WDR20: variants seen among roughly 807,000 people sequenced by gnomAD.
WDR20 encodes the protein WD repeat domain 20.
In WDR20, 3 loss-of-function variants were observed where a neutral mutation model predicts 38.7. The observed-to-expected ratio is 0.08, with a 90% CI of 0.04 to 0.20. The LOEUF (loss-of-function observed/expected upper bound fraction) is 0.20. Among genes scored for constraint, WDR20 ranks in the 10% least tolerant of loss-of-function variants. The pLI, the probability that WDR20 is intolerant of heterozygous loss-of-function variation, is 1.00. For synonymous variants in WDR20, 298 were observed against 285.6 expected, an observed-to-expected ratio of 1.04 and a Z score of -0.44; for missense variants, 559 against 727.7, an observed-to-expected ratio of 0.77 and a Z score of 2.67.
intron 1 of WDR20, among the ~76,000 whole-genome samples, chr14:102,147,581 C>T (rs191167173): frequency 3.3e-4 from 50 of 152,238 alleles, no homozygotes; most frequent in Admixed American, 2.7e-3. Flanking sequence ...GTCACTTATA[C>T]GATATTTATT....
chr14:102,195,078 A>G lies in WDR20; in HGVS notation c.390A>G (p.Ile130Met). ...TTTCCGCAGGCCAAGTCCAGCTTAT[A>G]GACCCAATCAAAAAAGAAACTAGCA... ...VGFSAGQVQL[I>M]DPIKKETSKL... Residue 130 changes from isoleucine (I) to methionine (M), a missense_variant, in exon 2 of 3, where the codon ATA becomes ATG. Transcript: ENST00000342702. 6.2e-7 allele frequency: 1 copy of G among 1,614,196 alleles called. No individual in the cohort carries two copies. Among genetic ancestry groups the G allele is most frequent in the Non-Finnish European group, 8.5e-7 (1 of 1,180,040 alleles).
Position 102,209,800 on chromosome 14 carries a change from G to A in WDR20, c.1630G>A (p.Asp544Asn). 1 of 1,614,012 alleles carries A rather than the reference G, an allele frequency of 6.2e-7. No individual in the cohort carries two copies. Reference protein sequence around the residue: ...ERLTVLIFLEDCIVTACQEGF... With the variant: ...ERLTVLIFLENCIVTACQEGF... ...ACTGACTGTACTAATATTTCTTGAA[G>A]ACTGTATAGTCACTGCTTGTCAGGA... Residue 544 changes from aspartate to asparagine, a missense_variant, in exon 3 of 3, where the codon GAC becomes AAC. Physicochemically the swap from Asp to Asn is conservative, Grantham distance 23. Coordinates refer to ENST00000342702, the MANE Select transcript of WDR20 (RefSeq NM_144574.4). The surrounding 1 kb of genome is among the most constrained non-coding windows in gnomAD (Gnocchi z 6.0).
At chr14:102,224,629 C>T, downstream of WDR20, 1 of 456,012 alleles carries the variant, frequency 2.2e-6, no homozygotes. Context: ...GCTACATTTT[C>T]ACCATTTGTA....
intron 2 of WDR20, among the ~76,000 whole-genome samples, chr14:102,200,331 T>C (rs2060082581): frequency 6.6e-6 from 1 of 152,212 alleles, no homozygotes; most frequent in African/African-American, 2.4e-5. Context: ...GCACGGTTCA[T>C]CTGACAAGCT....
At chr14:102,224,816 G>A (rs1171491782), downstream of WDR20, 2 of 455,828 alleles carry the variant, frequency 4.4e-6, no homozygotes, top group African/African-American at 4.0e-5. Context: ...AATAATAAAA[G>A]ACACTAAGAC....
rs777815306 is a variant in WDR20 at position 102,222,102 on chromosome 14, CAGTG to C, written c.1693-725_1693-722del. Among the ~76,000 whole-genome samples the C allele has an allele frequency of 1.9e-4, 29 of 151,632 alleles. 1 individual carries two copies. The South Asian group carries it at 2.1e-3, about 11-fold the overall frequency. On this transcript the variant is annotated intron_variant, in intron 3 of 3. Coordinates refer to the WDR20 transcript ENST00000335263. The surrounding 1 kb of genome is among the most constrained non-coding windows in gnomAD (Gnocchi z 4.4). ...TGAGATTCCCCGCCCCCGCCCCCGA[CAGTG>C]AGCCTCTCAGCAGGAGCCGCCCTAA...
chr14:102,162,923 T>A (rs1037127964), intron 1 of WDR20, among the ~76,000 whole-genome samples: 4 of 152,182 alleles, frequency 2.6e-5, no homozygotes, highest in African/African-American at 9.7e-5. Flanking sequence ...TTAGATAATC[T>A]TTCAAAATCC....
rs1056911695 is a variant in WDR20, at chr14:102,206,885, CA to C, written c.433-1710del. ...TCATCCTTGCACCTCCCTCCACCAT[CA>C]AAAAAAAGCCCTGCTCTGGCCATGT... On this transcript the variant is annotated intron_variant, in intron 2 of 2. Transcript: ENST00000342702. Among the ~76,000 whole-genome samples, 105 of 151,892 alleles carry C rather than the reference CA, an allele frequency of 6.9e-4. 1 individual carries two copies. Among genetic ancestry groups the C allele is most frequent in the Non-Finnish European group, 2.2e-4 (15 of 67,906 alleles).
At chr14:102,168,057 A>G (rs1379016842) in intron 1 of WDR20, among the ~76,000 whole-genome samples, 3 of 152,202 alleles carry the variant, frequency 2.0e-5, no homozygotes, top group Non-Finnish European at 4.4e-5. Flanking sequence ...TTTAAAGAAC[A>G]GCAGGTGGTT....
intron 1 of WDR20, among the ~76,000 whole-genome samples, chr14:102,170,581 G>T (rs1436354119): frequency 6.6e-6 from 1 of 151,362 alleles, no homozygotes; most frequent in East Asian, 2.0e-4. Context: ...TCTATGAGTT[G>T]TTCATGTCCT....
chr14:102,156,171 CT>C (rs771377694), intron 1 of WDR20, among the ~76,000 whole-genome samples: 333 of 138,288 alleles, frequency 2.4e-3, no homozygotes, highest in Admixed American at 2.2e-3. Context: ...ACCATTAGAT[CT>C]TTTTTTTTTT....
At chr14:102,164,544 C>G (rs2059390624) in intron 1 of WDR20, among the ~76,000 whole-genome samples, 2 of 152,188 alleles carry the variant, frequency 1.3e-5, no homozygotes, top group African/African-American at 4.8e-5. Flanking sequence ...TCTCACTGCT[C>G]TAATTTCTCC....
chr14:102,143,548 CTT>C (rs11299573), intron 1 of WDR20, among the ~76,000 whole-genome samples: 13 of 144,304 alleles, frequency 9.0e-5, no homozygotes, highest in Non-Finnish European at 1.1e-4. Flanking sequence ...TTTTAAACAT[CTT>C]TTTTTTTTTT....
At chr14:102,155,202 A>T (rs2057081552) in intron 1 of WDR20, among the ~76,000 whole-genome samples, 1 of 152,138 alleles carries the variant, frequency 6.6e-6, no homozygotes, top group Admixed American at 6.6e-5. Context: ...TGTCCTGCCT[A>T]CTTCACTGTT....
upstream of WDR20, chr14:102,139,676 A>C (rs2050216493): frequency 7.6e-6 from 5 of 656,404 alleles, no homozygotes; most frequent in South Asian, 7.9e-5. Context: ...TGCCGCCCGG[A>C]GGCCACACCC....
intron 1 of WDR20, among the ~76,000 whole-genome samples, chr14:102,151,871 C>T (rs2055996655): frequency 6.6e-6 from 1 of 151,800 alleles, no homozygotes; most frequent in Non-Finnish European, 1.5e-5. Context: ...TTCCAAGTAG[C>T]TGAGTCTATA....
At chr14:102,167,578 C>G (rs2060012761) in intron 1 of WDR20, 1 of 152,284 alleles carries the variant, frequency 6.6e-6, no homozygotes, top group African/African-American at 2.4e-5. Context: ...TCCTCACTCT[C>G]TGCCCCTTCA....
intron 2 of WDR20, among the ~76,000 whole-genome samples, chr14:102,204,908 A>G (rs893350296): frequency 1.3e-5 from 2 of 152,194 alleles, no homozygotes; most frequent in African/African-American, 4.8e-5. Context: ...CAGCTTTAGA[A>G]AAGAATGAGG....
intron 1 of WDR20, among the ~76,000 whole-genome samples, chr14:102,181,750 A>T (rs2063435032): frequency 6.6e-6 from 1 of 152,038 alleles, no homozygotes. Flanking sequence ...ATTATACGAG[A>T]TCATGAGTGG....
Sources: allele counts gnomAD v4.1 joint callset (sites outside exome capture counted in the v4.1 genomes callset), GRCh38; gene constraint gnomAD v4.1.1; non-coding constraint Gnocchi (gnomAD v3.1); transcripts MANE v1.5; gene names NCBI Gene and HGNC (gene_info 2026-07-23, HGNC 2026-07-21).